Variants in KCNQ3 observed in about 807,000 individuals in gnomAD.
KCNQ3 encodes the protein potassium voltage-gated channel subfamily KQT member 3.
Under a neutral mutation model 92.5 loss-of-function variants are expected in KCNQ3, and 30 were observed. The ratio of observed to expected loss-of-function variants is 0.32; its 90% CI spans 0.24 to 0.44. The LOEUF (loss-of-function observed/expected upper bound fraction) is 0.44, where lower values mean the gene tolerates loss of function less well. KCNQ3 is among the 20% of genes least tolerant of loss of function. KCNQ3 has a pLI of 1.00. For synonymous variants in KCNQ3, 450 were observed against 468.8 expected (o/e 0.96, Z 0.52); for missense variants, 913 against 1,140.3 (o/e 0.80, Z 2.87).
At chr8:132,177,542 G>A (rs769017212) in intron 4 of KCNQ3, among the ~76,000 whole-genome samples, 5 of 152,168 alleles carry the variant, frequency 3.3e-5, no homozygotes, top group African/African-American at 4.8e-5. Context: ...AATTCAAGAC[G>A]AAAGGGGCCC....
At chr8:132,477,549 T>C (rs1272026124) in intron 1 of KCNQ3, among the ~76,000 whole-genome samples, 2 of 152,222 alleles carry the variant, frequency 1.3e-5, no homozygotes, top group African/African-American at 4.8e-5. Context: ...GCAGGGAGAA[T>C]GTACTATGCA....
rs886062697 is a variant in KCNQ3 at position 132,480,671 on chromosome 8, C to CCA, written c.-140_-139insTG. On this transcript the variant is annotated 5_prime_UTR_variant, in exon 1 of 15. Coordinates refer to ENST00000388996, the MANE Select transcript of KCNQ3 (RefSeq NM_004519.4). ...GCCATGATCCGCGCGCCCCTCCCCA[C>CCA]CCCCCCCCAAAAGCAGGCAAAGGCG... 45 of 718,194 alleles carry CCA rather than the reference C, an allele frequency of 6.3e-5. 1 individual carries two copies. Among genetic ancestry groups the CCA allele is most frequent in the Admixed American group, 5.9e-4 (6 of 10,246 alleles). 44.5% of individuals were successfully genotyped at this position (718,194 alleles called of 1,614,324 possible).
At chr8:132,317,834 G>C (rs1010777418) in intron 1 of KCNQ3, among the ~76,000 whole-genome samples, 1 of 152,226 alleles carries the variant, frequency 6.6e-6, no homozygotes, top group Admixed American at 6.5e-5. Flanking sequence ...CATGCTCAGA[G>C]AGAGTGATAT....
intron 1 of KCNQ3, among the ~76,000 whole-genome samples, chr8:132,265,701 G>C (rs763584266): frequency 2.6e-5 from 4 of 152,180 alleles, no homozygotes; most frequent in Non-Finnish European, 4.4e-5. Context: ...GCACATCAAG[G>C]CTGGCCCCTG....
chr8:132,190,897 C>T (rs1275290965), intron 1 of KCNQ3, among the ~76,000 whole-genome samples: 1 of 152,188 alleles, frequency 6.6e-6, no homozygotes, highest in African/African-American at 2.4e-5. Flanking sequence ...TGTGCATTTG[C>T]TCTATTAGAC....
At chr8:132,452,887 T>C (rs978755254) in intron 1 of KCNQ3, among the ~76,000 whole-genome samples, 2 of 152,090 alleles carry the variant, frequency 1.3e-5, no homozygotes, top group Non-Finnish European at 2.9e-5. Flanking sequence ...CTTGACATGA[T>C]GTTTGCCTGC....
chr8:132,160,205 G>A (rs1338790544), intron 9 of KCNQ3, among the ~76,000 whole-genome samples: 1 of 152,186 alleles, frequency 6.6e-6, no homozygotes, highest in East Asian at 1.9e-4. Flanking sequence ...CAAGAGCTGA[G>A]ATCATGCGTC....
chr8:132,296,661 T>C (rs574426079), intron 1 of KCNQ3, among the ~76,000 whole-genome samples: 106 of 152,258 alleles, frequency 7.0e-4, no homozygotes, highest in African/African-American at 2.4e-3. Context: ...GTCCTTGTGA[T>C]AGTTTGCTGA....
intron 13 of KCNQ3, among the ~76,000 whole-genome samples, chr8:132,133,556 A>G (rs1281856105): frequency 1.3e-5 from 2 of 151,814 alleles, no homozygotes; most frequent in Non-Finnish European, 2.9e-5. Flanking sequence ...GGGTTTCACT[A>G]TGTTGGCCAG....
chr8:132,403,949 G>A (rs537505386), intron 1 of KCNQ3, among the ~76,000 whole-genome samples: 1 of 152,266 alleles, frequency 6.6e-6, no homozygotes, highest in African/African-American at 2.4e-5. Context: ...CCATGGGGTG[G>A]GTACAACACC....
intron 1 of KCNQ3, among the ~76,000 whole-genome samples, chr8:132,224,081 A>ATTGTTTTTTT (rs1814325197): frequency 2.5e-5 from 1 of 39,460 alleles, no homozygotes; most frequent in African/African-American, 8.3e-5. Context: ...ATGCCAGGCT[A>ATTGTTTTTTT]TTTTTTTTTT....
At chr8:132,330,893 G>T (rs1265328631) in intron 1 of KCNQ3, among the ~76,000 whole-genome samples, 1 of 152,180 alleles carries the variant, frequency 6.6e-6, no homozygotes, top group Non-Finnish European at 1.5e-5. Context: ...AGTGGCAACT[G>T]CCGGGTCTGA....
At chr8:132,274,930 A>C (rs978091708) in intron 1 of KCNQ3, among the ~76,000 whole-genome samples, 2 of 152,162 alleles carry the variant, frequency 1.3e-5, no homozygotes, top group African/African-American at 4.8e-5. Context: ...AAGAAAGCAA[A>C]GAGGTCCAAT....
chr8:132,347,250 C>T (rs1313620796), intron 1 of KCNQ3, among the ~76,000 whole-genome samples: 1 of 152,172 alleles, frequency 6.6e-6, no homozygotes. Context: ...CCTGCCAAGT[C>T]CCTGGCCCTC....
chr8:132,308,747 C>T lies in KCNQ3; in HGVS notation c.387-122566G>A, dbSNP rs141073965. ...GCTCATGTAATTCTCACAATAACCC[C>T]ATGACAGAAGAATGTTATCATCCCC... On this transcript the variant is annotated intron_variant, in intron 1 of 14. Coordinates refer to ENST00000388996, the MANE Select transcript of KCNQ3 (RefSeq NM_004519.4). 8.5e-5 allele frequency among the ~76,000 whole-genome samples: 13 copies of T among 152,292 alleles called. No individual in the cohort carries two copies. The East Asian group carries it at 2.5e-3, about 29-fold the overall frequency.
chr8:132,144,242 G>A lies in KCNQ3; in HGVS notation c.1263-2911C>T, dbSNP rs533869822. Among the ~76,000 whole-genome samples, 20 of 152,304 alleles carry A rather than the reference G, an allele frequency of 1.3e-4. No individual in the cohort carries two copies. In the East Asian group the frequency reaches 1.9e-3, roughly 15 times the overall value. Reference sequence around the variant, plus strand: ...TGCGTGGAACAAAGTCAGAAGTCTCGGCTCAGAATTGCTCACAGCCATTGC... The same window carrying A: ...TGCGTGGAACAAAGTCAGAAGTCTCAGCTCAGAATTGCTCACAGCCATTGC... On this transcript the variant is annotated intron_variant, in intron 9 of 14. Coordinates refer to ENST00000388996, the MANE Select transcript of KCNQ3 (RefSeq NM_004519.4).
chr8:132,245,884 T>C (rs1174048563), intron 1 of KCNQ3, among the ~76,000 whole-genome samples: 1 of 152,220 alleles, frequency 6.6e-6, no homozygotes, highest in Admixed American at 6.5e-5. Context: ...GGGGATAGGA[T>C]CTACATCTTA....
intron 1 of KCNQ3, among the ~76,000 whole-genome samples, chr8:132,413,130 AT>A (rs1310416780): frequency 6.6e-6 from 1 of 152,214 alleles, no homozygotes; most frequent in Non-Finnish European, 1.5e-5. Context: ...CTTCAACCCA[AT>A]CTATATCATG....
At chr8:132,471,702 TG>T (rs1434761905) in intron 1 of KCNQ3, among the ~76,000 whole-genome samples, 1 of 152,166 alleles carries the variant, frequency 6.6e-6, no homozygotes, top group African/African-American at 2.4e-5. Flanking sequence ...CTTAGGAACC[TG>T]GTCTAGGCAA....
Sources: gnomAD v4.1 joint callset for allele counts (sites outside exome capture counted in the v4.1 genomes callset) on GRCh38, gnomAD v4.1.1 for gene constraint, MANE v1.5 for transcripts, NCBI Gene and HGNC (gene_info 2026-07-23, HGNC 2026-07-21) for gene names.